Variants in WBP1L observed in about 807,000 individuals in gnomAD.
The protein encoded by WBP1L is WW domain binding protein 1 like, also known as WW domain binding protein 1-like.
A neutral mutation model predicts 33.7 loss-of-function variants in WBP1L; 17 were observed. The ratio of observed to expected loss-of-function variants is 0.50; its 90% CI spans 0.34 to 0.76. The LOEUF is 0.76. Ranked by LOEUF, WBP1L falls within the 30% of genes least tolerant of loss-of-function variation. WBP1L has a pLI of 0.01. For missense variants in WBP1L, 389 were observed against 469.4 expected, an observed-to-expected ratio of 0.83 and a Z score of 1.58; for synonymous variants, 173 against 190.8, an observed-to-expected ratio of 0.91 and a Z score of 0.77.
At chr10:102,788,730 A>G (rs922377004) in intron 1 of WBP1L, among the ~76,000 whole-genome samples, 9 of 152,214 alleles carry the variant, frequency 5.9e-5, no homozygotes, top group African/African-American at 1.9e-4. Flanking sequence ...CTAGAAAGCC[A>G]TTCCTGGTTC....
intron 1 of WBP1L, among the ~76,000 whole-genome samples, chr10:102,782,214 CTTTT>C (rs397961661): frequency 1.6e-4 from 8 of 49,168 alleles, no homozygotes; most frequent in Admixed American, 3.3e-4. Flanking sequence ...AAAGAAGCTG[CTTTT>C]TTTTTTTTTT....
At chr10:102,802,659 C>A (rs1314704009) in intron 2 of WBP1L, among the ~76,000 whole-genome samples, 1 of 152,124 alleles carries the variant, frequency 6.6e-6, no homozygotes, top group Non-Finnish European at 1.5e-5. Flanking sequence ...GCATGCCCAG[C>A]TAATTTTTGT....
At chr10:102,788,321 A>C (rs529088250) in intron 1 of WBP1L, among the ~76,000 whole-genome samples, 1 of 151,806 alleles carries the variant, frequency 6.6e-6, no homozygotes, top group Non-Finnish European at 1.5e-5. Flanking sequence ...AGTGTTAGCC[A>C]GGATGGTCTT....
intron 1 of WBP1L, among the ~76,000 whole-genome samples, chr10:102,795,159 T>C (rs1237275117): frequency 6.6e-6 from 1 of 152,204 alleles, no homozygotes; most frequent in Non-Finnish European, 1.5e-5. Context: ...GTAGATGACA[T>C]GAGATATTCA....
chr10:102,748,321 A>G (rs1271143766), intron 1 of WBP1L, among the ~76,000 whole-genome samples: 9 of 151,336 alleles, frequency 5.9e-5, no homozygotes, highest in African/African-American at 2.2e-4. Flanking sequence ...AGTTCCTGCT[A>G]TTTTTTCCCA....
At chr10:102,784,998 C>T (rs1843395261) in intron 1 of WBP1L, among the ~76,000 whole-genome samples, 1 of 151,892 alleles carries the variant, frequency 6.6e-6, no homozygotes, top group African/African-American at 2.4e-5. Context: ...GCCTCAGCAT[C>T]CCAGGTAGCT....
chr10:102,768,895 A>G (rs1402631712), intron 1 of WBP1L, among the ~76,000 whole-genome samples: 1 of 151,490 alleles, frequency 6.6e-6, no homozygotes, highest in Non-Finnish European at 1.5e-5. Flanking sequence ...TCACCGTGTT[A>G]GCCAGGATGG....
At chr10:102,764,788 G>A (rs1843087740) in intron 1 of WBP1L, among the ~76,000 whole-genome samples, 1 of 152,162 alleles carries the variant, frequency 6.6e-6, no homozygotes, top group Non-Finnish European at 1.5e-5. Flanking sequence ...TTTGATTTAT[G>A]TAAGATCCAG....
chr10:102,756,020 T>G (rs938641074), intron 1 of WBP1L, among the ~76,000 whole-genome samples: 4 of 150,780 alleles, frequency 2.7e-5, no homozygotes, highest in Non-Finnish European at 4.4e-5. Context: ...CAGGCTAGAG[T>G]GCAGTGGCTA....
At chr10:102,788,625 A>C (rs10748830) in intron 1 of WBP1L, among the ~76,000 whole-genome samples, 77,796 of 152,102 alleles carry the variant, frequency 0.51, 21,092 homozygotes, top group Middle Eastern at 0.63. Context: ...TGTCTGCTTT[A>C]TGAAAACTGC....
rs1375256830 is a variant in WBP1L, at chr10:102,813,652, C to T, written c.*321C>T. ...GGTCAGAGAGATGTGTTTTAAAAGC[C>T]CCCAAGGAAGGAGGCTGGGACTGTG... On this transcript the variant is annotated 3_prime_UTR_variant, in exon 4 of 4. Coordinates refer to ENST00000448841, the MANE Select transcript of WBP1L (RefSeq NM_001083913.2). 2 of 351,386 alleles carry T rather than the reference C, an allele frequency of 5.7e-6. No homozygotes were observed. 21.8% of individuals were successfully genotyped at this position (351,386 alleles called of 1,614,324 possible). A position where few individuals can be genotyped will look rare whatever the true frequency, so the allele number is the denominator to read the frequency against.
rs1331903671 is a variant in WBP1L, at chr10:102,815,250, G to A, written c.*1919G>A. On this transcript the variant is annotated 3_prime_UTR_variant, in exon 4 of 4. Coordinates refer to ENST00000448841, the MANE Select transcript of WBP1L (RefSeq NM_001083913.2). ...TGTGTTTGCCAGAGATACTGTGCTC[G>A]AAGTAGAGGTTTTACTCTACTCATC... The A allele has an allele frequency of 6.6e-6, 1 of 152,638 alleles. No homozygotes were observed. Among genetic ancestry groups the A allele is most frequent in the African/African-American group, 2.4e-5 (1 of 41,460 alleles). 9.5% of individuals were successfully genotyped at this position (152,638 alleles called of 1,614,324 possible). A position where few individuals can be genotyped will look rare whatever the true frequency, so the allele number is the denominator to read the frequency against.
At chr10:102,786,649 A>T (rs1843419774) in intron 1 of WBP1L, among the ~76,000 whole-genome samples, 1 of 152,126 alleles carries the variant, frequency 6.6e-6, no homozygotes, top group African/African-American at 2.4e-5. Flanking sequence ...TATTGTCCTG[A>T]TTCACTGTGT....
At chr10:102,788,740 C>A (rs1357471351) in intron 1 of WBP1L, among the ~76,000 whole-genome samples, 3 of 152,106 alleles carry the variant, frequency 2.0e-5, no homozygotes, top group Non-Finnish European at 4.4e-5. Flanking sequence ...ATTCCTGGTT[C>A]AAGAATGGAA....
intron 1 of WBP1L, among the ~76,000 whole-genome samples, chr10:102,793,097 G>A (rs1028869613): frequency 7.2e-5 from 11 of 152,278 alleles, no homozygotes; most frequent in African/African-American, 2.6e-4. Flanking sequence ...AGTTCCGTGA[G>A]GATGGCCTAA....
intron 1 of WBP1L, among the ~76,000 whole-genome samples, chr10:102,771,497 A>AGGAG (rs1359222452): frequency 3.9e-5 from 6 of 152,168 alleles, no homozygotes; most frequent in Non-Finnish European, 7.3e-5. Flanking sequence ...GGAAGCCCTC[A>AGGAG]TCTATAATGA....
chr10:102,761,602 A>G lies in WBP1L; in HGVS notation c.90+17459A>G, dbSNP rs186589357. On this transcript the variant is annotated intron_variant, in intron 1 of 3. Transcript: ENST00000448841. ...CTTCTGAGTAGCTGGGATTACAGGC[A>G]CCTTCCACCATGCCCAGCTAATTTT... Among the ~76,000 whole-genome samples the G allele has an allele frequency of 3.4e-3, 517 of 152,112 alleles. 1 individual carries two copies. The highest frequency in any genetic ancestry group is 0.012 in the African/African-American group (491 of 41,482).
intron 1 of WBP1L, among the ~76,000 whole-genome samples, chr10:102,780,430 G>A (rs747374329): frequency 6.6e-6 from 1 of 152,132 alleles, no homozygotes; most frequent in Admixed American, 6.6e-5. Flanking sequence ...ACTAATTTTC[G>A]GAGAACAGTA....
chr10:102,810,149 A>C (rs576086714), intron 3 of WBP1L, 95 bp downstream of exon 3: 2 of 1,492,206 alleles, frequency 1.3e-6, no homozygotes, highest in South Asian at 2.6e-5. Flanking sequence ...TCCTGTAGGC[A>C]TAGGGGGTTT....
Sources: allele counts gnomAD v4.1 joint callset (sites outside exome capture counted in the v4.1 genomes callset), GRCh38; gene constraint gnomAD v4.1.1; transcripts MANE v1.5; gene names NCBI Gene and HGNC (gene_info 2026-07-23, HGNC 2026-07-21).